Variants in DOCK4 observed in about 807,000 individuals in gnomAD.
The protein encoded by DOCK4 is dedicator of cytokinesis protein 4.
Under a neutral mutation model 268.1 loss-of-function variants are expected in DOCK4, and 97 were observed. The observed-to-expected ratio is 0.36, with a 90% confidence interval of 0.31 to 0.43. The LOEUF is 0.43. Ranked by LOEUF, DOCK4 falls within the 20% of genes least tolerant of loss-of-function variation. The pLI is 1.00. For synonymous variants in DOCK4, 954 were observed against 887.2 expected, an observed-to-expected ratio of 1.08 and a Z score of -1.34; for missense variants, 2,145 against 2,455.7, an observed-to-expected ratio of 0.87 and a Z score of 2.67.
At chr7:112,066,569 C>CGT (rs1806971465) in intron 1 of DOCK4, among the ~76,000 whole-genome samples, 1 of 143,880 alleles carries the variant, frequency 7.0e-6, no homozygotes, top group Non-Finnish European at 1.5e-5. Context: ...TATATATACA[C>CGT]GTGTGTATAT....
At chr7:111,783,211 A>G (rs1052429272) in intron 34 of DOCK4, among the ~76,000 whole-genome samples, 1 of 152,114 alleles carries the variant, frequency 6.6e-6, no homozygotes, top group Non-Finnish European at 1.5e-5. Context: ...CTCAATGGAC[A>G]TGGGCTCAGG....
chr7:111,865,875 C>T (rs953313102), intron 22 of DOCK4, among the ~76,000 whole-genome samples: 5 of 152,228 alleles, frequency 3.3e-5, no homozygotes, highest in East Asian at 1.9e-4. Flanking sequence ...CTCCCCCCAC[C>T]GGCTGACTGC....
chr7:112,073,637 G>A (rs938925961), intron 1 of DOCK4, among the ~76,000 whole-genome samples: 1 of 152,046 alleles, frequency 6.6e-6, no homozygotes, highest in Admixed American at 6.6e-5. Flanking sequence ...ATTATGTTAA[G>A]CAAAATATGT....
intron 9 of DOCK4, among the ~76,000 whole-genome samples, chr7:111,945,215 C>T (rs976414859): frequency 4.6e-5 from 7 of 152,138 alleles, no homozygotes; most frequent in Non-Finnish European, 4.4e-5. Context: ...GATGGAGTTT[C>T]GCTCTTGTTG....
At chr7:111,973,469 C>A (rs1363301396) in intron 8 of DOCK4, among the ~76,000 whole-genome samples, 1 of 151,944 alleles carries the variant, frequency 6.6e-6, no homozygotes, top group African/African-American at 2.4e-5. Context: ...ACATAAGTTG[C>A]AGGAATTTAA....
chr7:111,961,183 T>G (rs1796863148), intron 8 of DOCK4, among the ~76,000 whole-genome samples: 1 of 152,160 alleles, frequency 6.6e-6, no homozygotes, highest in Non-Finnish European at 1.5e-5. Context: ...CCCCCTTTAC[T>G]TAAAAAAGAT....
intron 1 of DOCK4, among the ~76,000 whole-genome samples, chr7:112,112,228 G>A (rs902086313): frequency 6.6e-6 from 1 of 152,094 alleles, no homozygotes; most frequent in African/African-American, 2.4e-5. Context: ...GAGTTCATAT[G>A]AGAACTGGTT....
At chr7:112,180,793 G>A (rs3801796) in intron 1 of DOCK4, among the ~76,000 whole-genome samples, 19,271 of 152,184 alleles carry the variant, frequency 0.13, 1,350 homozygotes, top group Admixed American at 0.19. Flanking sequence ...AAAGCAGGCT[G>A]CTTTAGGTAT....
intron 1 of DOCK4, among the ~76,000 whole-genome samples, chr7:112,004,586 G>A (rs1018791628): frequency 6.6e-6 from 1 of 152,148 alleles, no homozygotes; most frequent in African/African-American, 2.4e-5. Flanking sequence ...ATTGTTTGGA[G>A]CAGATTTCTT....
intron 30 of DOCK4, among the ~76,000 whole-genome samples, chr7:111,795,042 G>C (rs1253362748): frequency 6.6e-6 from 1 of 152,134 alleles, no homozygotes; most frequent in Non-Finnish European, 1.5e-5. Context: ...TTATCTTTCT[G>C]ATGGGAGAGT....
rs138277821 is a variant in DOCK4, at chr7:112,042,535, C to A, written c.38-38404G>T. Among the ~76,000 whole-genome samples the A allele has an allele frequency of 9.9e-5, 15 of 152,182 alleles. No homozygotes were observed. In the East Asian group the frequency reaches 2.7e-3, roughly 27 times the overall value. On this transcript the variant is annotated intron_variant, in intron 1 of 52. Coordinates refer to ENST00000428084, the MANE Select transcript of DOCK4 (RefSeq NM_001363540.2). ...CTGAGTAGAAGTTCCATGAATGCCA[C>A]CACGAATGACAAAAAAACAGAGCAA...
intron 1 of DOCK4, among the ~76,000 whole-genome samples, chr7:112,183,991 C>A (rs545418386): frequency 1.3e-5 from 2 of 152,258 alleles, no homozygotes; most frequent in African/African-American, 4.8e-5. Context: ...GGTCTGAGGG[C>A]CCCTTCCTCT....
intron 1 of DOCK4, among the ~76,000 whole-genome samples, chr7:112,113,631 G>T (rs928326710): frequency 6.6e-6 from 1 of 151,552 alleles, no homozygotes; most frequent in African/African-American, 2.4e-5. Flanking sequence ...TGGAGTACAG[G>T]GGTGCAATCA....
chr7:112,009,938 T>A (rs1294908957), intron 1 of DOCK4, among the ~76,000 whole-genome samples: 3 of 152,150 alleles, frequency 2.0e-5, no homozygotes, highest in Non-Finnish European at 2.9e-5. Flanking sequence ...CACCTCAGCC[T>A]CCTCAGTAGC....
intron 27 of DOCK4, 65 bp from the exon 28 acceptor site, chr7:111,812,014 A>G: frequency 1.2e-6 from 1 of 832,266 alleles, no homozygotes; most frequent in South Asian, 1.9e-5. Context: ...GTATACAAGA[A>G]TAAAAACCTA....
At chr7:111,760,631 C>CT (rs1358696404) in intron 39 of DOCK4, among the ~76,000 whole-genome samples, 15 of 152,126 alleles carry the variant, frequency 9.9e-5, no homozygotes, top group African/African-American at 3.4e-4. Context: ...TTGTATCCCT[C>CT]TAAATGTTAA....
intron 12 of DOCK4, 22 bp from the exon 13 acceptor site, chr7:111,915,926 C>T (rs566788742): frequency 1.6e-5 from 26 of 1,601,906 alleles, no homozygotes; most frequent in East Asian, 6.7e-5. Context: ...GAGAGATACC[C>T]GAGTTAAAAA....
chr7:112,204,624 T>G (rs1018437856), intron 1 of DOCK4, among the ~76,000 whole-genome samples: 1 of 152,122 alleles, frequency 6.6e-6, no homozygotes, highest in Non-Finnish European at 1.5e-5. Flanking sequence ...GTCAAACTAT[T>G]GTCTTGGTAA....
At chr7:112,175,370 G>C (rs1391153003) in intron 1 of DOCK4, among the ~76,000 whole-genome samples, 1 of 152,074 alleles carries the variant, frequency 6.6e-6, no homozygotes, top group Non-Finnish European at 1.5e-5. Context: ...AAAAGCTCTT[G>C]TGTAATAGAA....
Sources: gnomAD v4.1 joint callset for allele counts (sites outside exome capture counted in the v4.1 genomes callset) on GRCh38, gnomAD v4.1.1 for gene constraint, MANE v1.5 for transcripts, NCBI Gene and HGNC (gene_info 2026-07-23, HGNC 2026-07-21) for gene names.